The following SPAG16 variants were observed in gnomAD, a reference collection of about 807,000 sequenced individuals.
SPAG16 encodes sperm-associated antigen 16 protein.
In SPAG16, 86 loss-of-function variants were observed where a neutral mutation model predicts 80.4. The observed-to-expected ratio is 1.07, with a 90% CI of 0.90 to 1.28. The LOEUF (loss-of-function observed/expected upper bound fraction) is 1.28. SPAG16 is among the 50% of genes most tolerant of loss of function. The pLI is 0.00. For synonymous variants in SPAG16, 294 were observed against 265.9 expected (o/e 1.11, Z -1.03); for missense variants, 870 against 765.3 (o/e 1.14, Z -1.61).
At chr2:214,300,317 G>T (rs1000337321) in intron 15 of SPAG16, among the ~76,000 whole-genome samples, 4 of 152,030 alleles carry the variant, frequency 2.6e-5, no homozygotes, top group Non-Finnish European at 4.4e-5. Context: ...AAAATGAAAA[G>T]GATCAGTAAT....
chr2:213,745,263 A>C (rs919424912), intron 10 of SPAG16, among the ~76,000 whole-genome samples: 1 of 151,810 alleles, frequency 6.6e-6, no homozygotes, highest in Non-Finnish European at 1.5e-5. Flanking sequence ...TTCTTTTGAG[A>C]TGAAGTTTTG....
chr2:213,781,359 A>T (rs1264681088), intron 10 of SPAG16, among the ~76,000 whole-genome samples: 5 of 152,200 alleles, frequency 3.3e-5, no homozygotes, highest in African/African-American at 9.7e-5. Context: ...GCATTAATAG[A>T]TATAAGATAT....
chr2:214,141,990 T>C (rs988277095), intron 14 of SPAG16, among the ~76,000 whole-genome samples: 2 of 152,196 alleles, frequency 1.3e-5, no homozygotes, highest in Admixed American at 6.5e-5. Context: ...CTTTACATTA[T>C]CTTCTTTTGG....
rs575598419 is a variant in SPAG16, at chr2:214,158,591, C to A, written c.1720+9325C>A. ...CTGACTCATTCTGATTAAATCAGAG[C>A]CGAAAAATAACTTTACAAATTGCAG... On this transcript the variant is annotated intron_variant, in intron 15 of 15. Transcript: ENST00000331683. Among the ~76,000 whole-genome samples the A allele has an allele frequency of 3.3e-5, 5 of 152,014 alleles. No individual in the cohort carries two copies. The South Asian group carries it at 8.3e-4, about 25-fold the overall frequency.
chr2:213,855,613 A>C (rs1416511500), intron 10 of SPAG16, among the ~76,000 whole-genome samples: 1 of 152,200 alleles, frequency 6.6e-6, no homozygotes, highest in East Asian at 1.9e-4. Flanking sequence ...AAAGAGATTT[A>C]ATTGTCTCAC....
intron 15 of SPAG16, among the ~76,000 whole-genome samples, chr2:214,261,529 A>G (rs1177841996): frequency 6.6e-6 from 1 of 152,242 alleles, no homozygotes; most frequent in African/African-American, 2.4e-5. Flanking sequence ...AAGTAAAGTT[A>G]TAAGTTTGAT....
intron 15 of SPAG16, among the ~76,000 whole-genome samples, chr2:214,217,365 G>T (rs1433817884): frequency 6.6e-6 from 1 of 152,186 alleles, no homozygotes; most frequent in Non-Finnish European, 1.5e-5. Flanking sequence ...AAAAGCAAGG[G>T]AGAAAAGAAA....
intron 10 of SPAG16, among the ~76,000 whole-genome samples, chr2:213,637,841 C>T (rs182295086): frequency 6.6e-6 from 1 of 152,180 alleles, no homozygotes; most frequent in Non-Finnish European, 1.5e-5. Context: ...ACGGCAAGCT[C>T]TGACTCCCGG....
chr2:213,792,566 A>C (rs1432015976), intron 10 of SPAG16, among the ~76,000 whole-genome samples: 1 of 151,080 alleles, frequency 6.6e-6, no homozygotes, highest in East Asian at 1.9e-4. Context: ...TTTTCAGTGA[A>C]AATGAGTATC....
At chr2:214,037,254 T>G (rs2048745358) in intron 13 of SPAG16, among the ~76,000 whole-genome samples, 1 of 152,006 alleles carries the variant, frequency 6.6e-6, no homozygotes, top group Non-Finnish European at 1.5e-5. Context: ...TATTATTCCT[T>G]GTTTAGAAAT....
At chr2:213,689,033 C>T (rs1352641531) in intron 10 of SPAG16, among the ~76,000 whole-genome samples, 1 of 152,140 alleles carries the variant, frequency 6.6e-6, no homozygotes, top group Non-Finnish European at 1.5e-5. Context: ...GATCTTGGCC[C>T]ACTGCAACCT....
chr2:214,373,281 C>T (rs1574435200), intron 15 of SPAG16, among the ~76,000 whole-genome samples: 2 of 152,116 alleles, frequency 1.3e-5, no homozygotes, highest in Non-Finnish European at 2.9e-5. Context: ...TAGGGCAGTG[C>T]TATATGGCAA....
At chr2:213,776,829 C>T (rs113184187) in intron 10 of SPAG16, among the ~76,000 whole-genome samples, 3 of 109,720 alleles carry the variant, frequency 2.7e-5, no homozygotes, top group Admixed American at 1.1e-4. Flanking sequence ...CTATGCCACC[C>T]CCCCCCCACC....
chr2:213,967,742 G>C (rs1238004719), intron 12 of SPAG16, among the ~76,000 whole-genome samples: 1 of 152,058 alleles, frequency 6.6e-6, no homozygotes, highest in East Asian at 1.9e-4. Flanking sequence ...TTTAATTTTA[G>C]GTTAAATATA....
At chr2:214,354,466 T>C (rs1259829649) in intron 15 of SPAG16, among the ~76,000 whole-genome samples, 1 of 152,026 alleles carries the variant, frequency 6.6e-6, no homozygotes. Flanking sequence ...GGCTTAGAAT[T>C]GACTTGGCAA....
chr2:213,905,299 A>G (rs564625586), intron 11 of SPAG16, among the ~76,000 whole-genome samples: 2 of 152,368 alleles, frequency 1.3e-5, no homozygotes, highest in South Asian at 4.1e-4. Context: ...ATGTGATAAT[A>G]TCTTCCAGCA....
chr2:214,121,024 A>G (rs2054194988), intron 14 of SPAG16, among the ~76,000 whole-genome samples: 1 of 151,820 alleles, frequency 6.6e-6, no homozygotes. Flanking sequence ...CTAGATGCAG[A>G]AGTAGAACTC....
intron 10 of SPAG16, 81 bp downstream of exon 10, chr2:213,490,171 G>T (rs2074177992): frequency 1.5e-6 from 2 of 1,336,456 alleles, no homozygotes; most frequent in African/African-American, 1.5e-5. Flanking sequence ...GCCATTCATG[G>T]TTGAAATGGT....
At chr2:213,551,837 C>T (rs548728288) in intron 10 of SPAG16, among the ~76,000 whole-genome samples, 1 of 152,238 alleles carries the variant, frequency 6.6e-6, no homozygotes, top group South Asian at 2.1e-4. Context: ...GAAATAATGC[C>T]AGAACCTTGC....
Sources: allele counts gnomAD v4.1 joint callset (sites outside exome capture counted in the v4.1 genomes callset), GRCh38; gene constraint gnomAD v4.1.1; transcripts MANE v1.5; gene names NCBI Gene and HGNC (gene_info 2026-07-23, HGNC 2026-07-21).